The following WDR17 variants were observed in gnomAD, a reference collection of about 807,000 sequenced individuals.
WDR17 encodes the protein WD repeat-containing protein 17.
In WDR17, 143 loss-of-function variants were observed where a neutral mutation model predicts 161.7. The ratio of observed to expected loss-of-function variants is 0.88; its 90% CI spans 0.77 to 1.02. WDR17 has a LOEUF of 1.02. Ranked by LOEUF, WDR17 falls within the 50% of genes least tolerant of loss-of-function variation. WDR17 has a pLI of 0.00. For synonymous variants in WDR17, 517 were observed against 515.6 expected, an observed-to-expected ratio of 1.00 and a Z score of -0.04; for missense variants, 1,469 against 1,520.9, an observed-to-expected ratio of 0.97 and a Z score of 0.57.
chr4:176,135,153 C>A lies in WDR17; in HGVS notation c.1144C>A (p.Pro382Thr). ...IFDCKFKPDD[P>T]NLLATASFDG... is the part of the protein sequence containing the mutation. Reference sequence around the variant, plus strand: ...TGACTGCAAATTCAAACCTGACGATCCTAATCTTTTAGCAACAGCTTCATT... The same window carrying A: ...TGACTGCAAATTCAAACCTGACGATACTAATCTTTTAGCAACAGCTTCATT... The change falls in exon 8 of 29, where the codon CCT becomes ACT. Residue 382 changes from proline to threonine, a missense_variant. Pro to Thr is a conservative substitution (Grantham distance 38, BLOSUM62 -1). Transcript: ENST00000508596. The A allele has an allele frequency of 6.2e-7, 1 of 1,612,278 alleles. No homozygotes were observed. The highest frequency in any genetic ancestry group is 1.1e-5 in the South Asian group (1 of 91,018).
chr4:176,116,327 C>T (rs1327112614), intron 3 of WDR17, among the ~76,000 whole-genome samples: 3 of 151,846 alleles, frequency 2.0e-5, no homozygotes, highest in Non-Finnish European at 4.4e-5. Context: ...GTTCATTACT[C>T]TATTCCAACC....
intron 12 of WDR17, among the ~76,000 whole-genome samples, chr4:176,147,871 A>C (rs35826550): frequency 0.21 from 32,320 of 152,078 alleles, 3,620 homozygotes; most frequent in South Asian, 0.27. Context: ...ATTTCCATCT[A>C]CTATAAAGAA....
chr4:176,171,869 C>T (rs992659814), intron 23 of WDR17, among the ~76,000 whole-genome samples: 1 of 151,978 alleles, frequency 6.6e-6, no homozygotes, highest in African/African-American at 2.4e-5. Flanking sequence ...AATGTCAAAG[C>T]TAAAAACTTT....
Position 176,151,985 on chromosome 4 carries a change from T to A in WDR17, c.2460+18T>A. ...TTGGAGAGGTAATGTGCTATGAAAGTAAAACTAATGAGTTTAACATAGTAG... is the reference window on the plus strand; with the variant it reads ...TTGGAGAGGTAATGTGCTATGAAAGAAAAACTAATGAGTTTAACATAGTAG... On this transcript the variant is annotated intron_variant, in intron 17 of 28. Transcript: ENST00000508596. 4 of 1,605,722 alleles carry A rather than the reference T, an allele frequency of 2.5e-6. No individual in the cohort carries two copies. The highest frequency in any genetic ancestry group is 3.4e-6 in the Non-Finnish European group (4 of 1,177,040).
chr4:176,118,583 T>C (rs2126715868), intron 3 of WDR17, among the ~76,000 whole-genome samples: 1 of 152,268 alleles, frequency 6.6e-6, no homozygotes, highest in East Asian at 1.9e-4. Context: ...AATCAGCGAA[T>C]TTCCACTCTG....
At chr4:176,142,209 A>G in intron 11 of WDR17, 140 bp downstream of exon 11, 1 of 514,340 alleles carries the variant, frequency 1.9e-6, no homozygotes, top group Non-Finnish European at 3.3e-6. Flanking sequence ...AATGAGAAAC[A>G]GCCTTGTAAT....
chr4:176,161,133 G>T (rs1268958919), intron 20 of WDR17, 131 bp downstream of exon 20: 6 of 596,768 alleles, frequency 1.0e-5, no homozygotes, highest in Admixed American at 3.6e-5. Context: ...TCCTCACCAT[G>T]ATCCAGTTCC....
intron 10 of WDR17, among the ~76,000 whole-genome samples, chr4:176,141,597 T>C (rs56706799): frequency 0.02 from 3,099 of 152,152 alleles, 108 homozygotes; most frequent in African/African-American, 0.071. Flanking sequence ...GCCTGGCTAC[T>C]TTTTTTGTAT....
intron 1 of WDR17, among the ~76,000 whole-genome samples, chr4:176,074,810 C>CTTTTTTTTT (rs386357678): frequency 1.1e-3 from 85 of 79,156 alleles, no homozygotes; most frequent in East Asian, 1.8e-3. Context: ...TTTTTTAATG[C>CTTTTTTTTT]TTTTTTTTTT....
At chr4:176,142,350 G>T (rs77398093) in intron 11 of WDR17, among the ~76,000 whole-genome samples, 1,741 of 152,254 alleles carry the variant, frequency 0.011, 18 homozygotes, top group Non-Finnish European at 0.018. Flanking sequence ...AAATGGAAAT[G>T]AGTCCATTGC....
chr4:176,177,031 A>G, intron 26 of WDR17, 27 bp from the exon 27 acceptor site: 1 of 1,541,422 alleles, frequency 6.5e-7, no homozygotes. Context: ...TTGGTATCAG[A>G]TGTTAATTTC....
At chr4:176,091,085 G>A (rs557508456) in intron 1 of WDR17, among the ~76,000 whole-genome samples, 1 of 152,336 alleles carries the variant, frequency 6.6e-6, no homozygotes, top group East Asian at 1.9e-4. Flanking sequence ...GTGCTGCAGA[G>A]ATTTTGTTTA....
At chr4:176,154,267 G>A (rs1318732602) in intron 17 of WDR17, among the ~76,000 whole-genome samples, 4 of 152,072 alleles carry the variant, frequency 2.6e-5, no homozygotes, top group African/African-American at 9.7e-5. Flanking sequence ...GATCACCTGA[G>A]GTCGAGAGTT....
chr4:176,083,874 AGCAGTATCTCTTT>A (rs1292036259), intron 1 of WDR17, among the ~76,000 whole-genome samples: 6 of 152,166 alleles, frequency 3.9e-5, no homozygotes, highest in Admixed American at 3.9e-4. Flanking sequence ...TTGGGAGGGC[AGCAGTATCTCTTT>A]GCAGTTTTAC....
At chr4:176,124,993 A>G (rs948335028) in intron 4 of WDR17, 111 bp from the exon 5 acceptor site, 21 of 1,259,338 alleles carry the variant, frequency 1.7e-5, no homozygotes, top group South Asian at 4.5e-5. Flanking sequence ...CCACATTTGT[A>G]TTTTCAATAC....
chr4:176,152,595 CAAAAAAAAAAAAAAAAAA>C (rs34451055), intron 17 of WDR17, among the ~76,000 whole-genome samples: 13 of 37,240 alleles, frequency 3.5e-4, no homozygotes, highest in Non-Finnish European at 4.4e-5. Flanking sequence ...AACTCCATCT[CAAAAAAAAAAAAAAAAAA>C]AAAAAAAAAG....
rs370811597 is a variant in WDR17, at chr4:176,149,926, A to C, written c.2017A>C (p.Arg673=). ...TGTACAAATAAATATTCTGGCAGAC[A>C]GATCTTGGGAAGAAATTATTGGGAA... ...TPVQINILAD[R]SWEEIIGNTD... The change falls in exon 14 of 29, where the codon AGA becomes CGA. Residue 673 remains arginine (R), a synonymous_variant. Transcript: ENST00000508596. The C allele has an allele frequency of 6.2e-7, 1 of 1,613,126 alleles. No homozygotes were observed. Among genetic ancestry groups the C allele is most frequent in the Non-Finnish European group, 8.5e-7 (1 of 1,179,908 alleles).
At position 176,150,019 on chromosome 4, in the gene WDR17, C is replaced by G. The variant is rs767873370; in HGVS notation, c.2048-24C>G. On this transcript the variant is annotated intron_variant, in intron 14 of 28. Transcript: ENST00000508596. ...ATAAGTTTTATGAGAAATCTTTTCTCACTGAATTATGTCTGTTCTTCAGAT... is the reference window on the plus strand; with the variant it reads ...ATAAGTTTTATGAGAAATCTTTTCTGACTGAATTATGTCTGTTCTTCAGAT... The G allele has an allele frequency of 1.3e-5, 21 of 1,611,432 alleles. No individual in the cohort carries two copies. In the South Asian group the frequency reaches 2.3e-4, roughly 18 times the overall value.
At chr4:176,071,677 T>A (rs1733270874) in intron 1 of WDR17, among the ~76,000 whole-genome samples, 1 of 152,198 alleles carries the variant, frequency 6.6e-6, no homozygotes, top group Non-Finnish European at 1.5e-5. Context: ...AGTATATGAA[T>A]GAGCTTGTTG....
Sources: allele counts gnomAD v4.1 joint callset (sites outside exome capture counted in the v4.1 genomes callset), GRCh38; gene constraint gnomAD v4.1.1; transcripts MANE v1.5; gene names NCBI Gene and HGNC (gene_info 2026-07-23, HGNC 2026-07-21).